The following RAP1GAP2 variants were observed in gnomAD, a reference collection of about 807,000 sequenced individuals.
The protein encoded by RAP1GAP2 is rap1 GTPase-activating protein 2.
Under a neutral mutation model 95.0 loss-of-function variants are expected in RAP1GAP2, and 27 were observed. That is an observed-to-expected ratio of 0.28 (90% CI 0.21 to 0.39). The LOEUF is 0.39. Ranked by LOEUF, RAP1GAP2 falls within the 10% of genes least tolerant of loss-of-function variation. RAP1GAP2 has a pLI of 1.00. For missense variants in RAP1GAP2, 771 were observed against 970.0 expected (o/e 0.79, Z 2.72); for synonymous variants, 373 against 380.9 (o/e 0.98, Z 0.24).
intron 8 of RAP1GAP2, among the ~76,000 whole-genome samples, chr17:2,978,860 G>A (rs1174472146): frequency 1.3e-5 from 2 of 152,030 alleles, no homozygotes. Flanking sequence ...TCTTGAAACC[G>A]GGAGGCGGAG....
At chr17:3,019,046 C>T (rs914770709) in intron 18 of RAP1GAP2, among the ~76,000 whole-genome samples, 2 of 150,306 alleles carry the variant, frequency 1.3e-5, no homozygotes, top group East Asian at 2.0e-4. Context: ...TGGGTGACAG[C>T]GAGACTGTCT....
chr17:2,770,293 C>T, intron 1 of RAP1GAP2: 2 of 398,478 alleles, frequency 5.0e-6, no homozygotes, highest in Non-Finnish European at 8.8e-6. Flanking sequence ...CTGCAGAGCT[C>T]AGCCACCTCC....
intron 3 of RAP1GAP2, among the ~76,000 whole-genome samples, chr17:2,948,094 C>T (rs182245542): frequency 3.0e-4 from 45 of 152,292 alleles, no homozygotes; most frequent in African/African-American, 1.0e-3. Context: ...ACTCATTGAG[C>T]GACCTGTGTG....
chr17:2,766,918 T>C (rs1469672848), intron 1 of RAP1GAP2, among the ~76,000 whole-genome samples: 1 of 151,994 alleles, frequency 6.6e-6, no homozygotes, highest in East Asian at 1.9e-4. Context: ...GGAGGACTTA[T>C]GGGAAGTCCC....
upstream of RAP1GAP2, among the ~76,000 whole-genome samples, chr17:2,792,563 C>T (rs1214742767): frequency 6.6e-6 from 1 of 152,210 alleles, no homozygotes; most frequent in East Asian, 1.9e-4. Context: ...GTCCCTTCCC[C>T]CTTTCCAGCC....
rs933663489 is a variant in RAP1GAP2 at position 3,003,690 on chromosome 17, C to T, written c.1201-1679C>T. On this transcript the variant is annotated intron_variant, in intron 14 of 24. Transcript: ENST00000254695. This position sits in a 1 kb window ranked among gnomAD's most constrained non-coding sequence, Gnocchi z 4.1. The stretch of plus-strand genomic sequence containing the variant: ...GCCTCTCTCCCTCCCTCCAAGCCCT[C>T]GCTGGAGGCCCTCGCTGCATTTAGA... 5.3e-5 allele frequency among the ~76,000 whole-genome samples: 8 copies of T among 152,208 alleles called. No homozygotes were observed. The highest frequency in any genetic ancestry group is 1.0e-4 in the Non-Finnish European group (7 of 68,040).
Position 2,980,278 on chromosome 17 carries a change from C to G in RAP1GAP2, c.597-9C>G. The G allele has an allele frequency of 6.2e-7, 1 of 1,613,558 alleles. No homozygotes were observed. The highest frequency in any genetic ancestry group is 8.5e-7 in the Non-Finnish European group (1 of 1,179,640). ...TTAGGGATGTCCTTTTTTCTCCCGT[C>G]TTGTGCAGGTCCAAACTGAAGACGG... On this transcript the variant is annotated splice_polypyrimidine_tract_variant and intron_variant, in intron 8 of 24. Coordinates refer to ENST00000254695, the MANE Select transcript of RAP1GAP2 (RefSeq NM_015085.5).
Position 3,005,829 on chromosome 17 carries a change from G to A in RAP1GAP2, c.1273-126G>A, listed in dbSNP as rs759734787. The A allele has an allele frequency of 3.8e-5, 34 of 884,056 alleles. No homozygotes were observed. The highest frequency in any genetic ancestry group is 7.5e-5 in the East Asian group (3 of 40,208). The allele number at this position is 884,056 out of a possible 1,614,324, so 54.8% of individuals were successfully genotyped here. Reference sequence around the variant, plus strand: ...GCTTGGCCTGGGCTAGAAATGATCCGCTGTCGGAAGGGACTTTTCAGGGGT... The same window carrying A: ...GCTTGGCCTGGGCTAGAAATGATCCACTGTCGGAAGGGACTTTTCAGGGGT... On this transcript the variant is annotated intron_variant, in intron 15 of 24. Transcript: ENST00000254695. This position sits in a 1 kb window ranked among gnomAD's most constrained non-coding sequence, Gnocchi z 5.2.
At chr17:2,860,215 C>T (rs2072320416) in intron 2 of RAP1GAP2, among the ~76,000 whole-genome samples, 1 of 152,182 alleles carries the variant, frequency 6.6e-6, no homozygotes, top group Admixed American at 6.5e-5. Context: ...GCTGCTTGTT[C>T]TCTCCTTAGG....
intron 2 of RAP1GAP2, among the ~76,000 whole-genome samples, chr17:2,828,945 C>CT (rs2070710061): frequency 1.4e-5 from 2 of 147,230 alleles, no homozygotes; most frequent in South Asian, 4.3e-4. Context: ...TCATTGCTCC[C>CT]TGGGGGGGCA....
chr17:2,771,055 A>C (rs1212253873), intron 2 of RAP1GAP2, among the ~76,000 whole-genome samples: 1 of 152,078 alleles, frequency 6.6e-6, no homozygotes, highest in African/African-American at 2.4e-5. Flanking sequence ...TCAAAAAACA[A>C]ACAAACAAAC....
chr17:2,991,144 C>T (rs565078255), intron 11 of RAP1GAP2, among the ~76,000 whole-genome samples, 153 bp from the exon 12 acceptor site: 4 of 152,270 alleles, frequency 2.6e-5, no homozygotes, highest in African/African-American at 9.6e-5. Context: ...CCTCCTCTCT[C>T]CACCCCAGTC....
At chr17:2,960,123 C>CAA (rs71153316) in intron 4 of RAP1GAP2, among the ~76,000 whole-genome samples, 17,695 of 80,698 alleles carry the variant, frequency 0.22, 2,041 homozygotes, top group African/African-American at 0.27. Flanking sequence ...GACTCCATCT[C>CAA]AAAAAAAAAA....
intron 7 of RAP1GAP2, 36 bp downstream of exon 7, chr17:2,964,104 G>T (rs2044469253): frequency 2.6e-6 from 4 of 1,565,212 alleles, no homozygotes; most frequent in Non-Finnish European, 2.6e-6. Flanking sequence ...GGGGGTTGGG[G>T]GCAGAGGCTG....
intron 3 of RAP1GAP2, among the ~76,000 whole-genome samples, chr17:2,920,287 G>T (rs1050354089): frequency 6.6e-6 from 1 of 152,044 alleles, no homozygotes; most frequent in Admixed American, 6.6e-5. Flanking sequence ...GTGAGGGCTC[G>T]GCTCTGTCTC....
At chr17:3,019,060 AAAAAC>A (rs565886696) in intron 18 of RAP1GAP2, among the ~76,000 whole-genome samples, 16 of 150,816 alleles carry the variant, frequency 1.1e-4, no homozygotes, top group African/African-American at 1.2e-4. Flanking sequence ...ACTGTCTCAA[AAAAAC>A]AAAACAAAAC....
intron 1 of RAP1GAP2, among the ~76,000 whole-genome samples, chr17:2,784,719 G>A (rs908754800): frequency 6.6e-6 from 1 of 152,150 alleles, no homozygotes; most frequent in African/African-American, 2.4e-5. Flanking sequence ...GGTGGGGCCC[G>A]TAATGAGAGA....
At chr17:2,763,816 A>C (rs868719192) in intron 1 of RAP1GAP2, among the ~76,000 whole-genome samples, 21 of 152,154 alleles carry the variant, frequency 1.4e-4, no homozygotes, top group African/African-American at 4.1e-4. Context: ...AAGGCTGTGC[A>C]GGTGGCCGGG....
chr17:2,822,970 G>T (rs191095805), intron 2 of RAP1GAP2, among the ~76,000 whole-genome samples: 1 of 152,094 alleles, frequency 6.6e-6, no homozygotes. Context: ...AAAAGTAGCC[G>T]GGTGTGGTGG....
Sources: gnomAD v4.1 joint callset for allele counts (sites outside exome capture counted in the v4.1 genomes callset) on GRCh38, gnomAD v4.1.1 for gene constraint, Gnocchi (gnomAD v3.1) non-coding constraint, MANE v1.5 for transcripts, NCBI Gene and HGNC (gene_info 2026-07-23, HGNC 2026-07-21) for gene names.